The following KAZN variants were observed in gnomAD, a reference collection of about 807,000 sequenced individuals.
The protein encoded by KAZN is kazrin, periplakin interacting protein, also known as kazrin.
A neutral mutation model predicts 87.4 loss-of-function variants in KAZN; 40 were observed. The ratio of observed to expected loss-of-function variants is 0.46; its 90% confidence interval spans 0.36 to 0.60. The LOEUF is 0.60. KAZN is among the 20% of genes least tolerant of loss of function. KAZN has a pLI of 0.00. For synonymous variants in KAZN, 466 were observed against 458.3 expected, an observed-to-expected ratio of 1.02 and a Z score of -0.22; for missense variants, 898 against 1,073.9, an observed-to-expected ratio of 0.84 and a Z score of 2.29.
intron 2 of KAZN, among the ~76,000 whole-genome samples, chr1:14,265,326 G>A (rs1363046056): frequency 1.2e-4 from 18 of 152,154 alleles, no homozygotes; most frequent in Non-Finnish European, 2.6e-4. Flanking sequence ...AATCAAACAT[G>A]ATAGTTTGGT....
Position 14,985,508 on chromosome 1 carries a change from T to C in KAZN, c.418+24633T>C, listed in dbSNP as rs140277458. 8.1e-3 allele frequency among the ~76,000 whole-genome samples: 1,197 copies of C among 148,614 alleles called. 18 individuals carry two copies. The highest frequency in any genetic ancestry group is 0.028 in the African/African-American group (1,144 of 40,442). On this transcript the variant is annotated intron_variant, in intron 2 of 14. Transcript: ENST00000376030. ...TCATGCCACTGCACTCCAGCCTGGGTGACACAGTGAGACCCTGCCTCAAAA... is the reference window on the plus strand; with the variant it reads ...TCATGCCACTGCACTCCAGCCTGGGCGACACAGTGAGACCCTGCCTCAAAA...
At chr1:13,933,793 T>G (rs899182460) in intron 1 of KAZN, among the ~76,000 whole-genome samples, 5 of 152,194 alleles carry the variant, frequency 3.3e-5, no homozygotes, top group African/African-American at 4.8e-5. Flanking sequence ...CCCAATGAGG[T>G]GCCTGAGGTT....
chr1:14,794,069 GA>G (rs1304216478), intron 1 of KAZN, among the ~76,000 whole-genome samples: 2 of 152,168 alleles, frequency 1.3e-5, no homozygotes, highest in East Asian at 3.9e-4. Context: ...ATCTCACCTT[GA>G]GCCTCAGCTC....
At chr1:14,440,534 G>A (rs1348978525) in intron 2 of KAZN, among the ~76,000 whole-genome samples, 1 of 152,208 alleles carries the variant, frequency 6.6e-6, no homozygotes, top group Non-Finnish European at 1.5e-5. Flanking sequence ...AACCTCTAAT[G>A]CCTAATTCAG....
chr1:14,043,253 CT>C (rs1022869924), intron 1 of KAZN, among the ~76,000 whole-genome samples: 1 of 152,162 alleles, frequency 6.6e-6, no homozygotes, highest in Non-Finnish European at 1.5e-5. Flanking sequence ...AATTTCCTTC[CT>C]TTTTAAGGCT....
chr1:14,602,374 T>C (rs937777710), intron 1 of KAZN, among the ~76,000 whole-genome samples: 3 of 152,192 alleles, frequency 2.0e-5, no homozygotes, highest in Non-Finnish European at 2.9e-5. Flanking sequence ...AATGCTGGCG[T>C]ACAGTGCAGA....
chr1:14,419,533 C>T (rs1036967359), intron 2 of KAZN, among the ~76,000 whole-genome samples: 8 of 152,256 alleles, frequency 5.3e-5, no homozygotes, highest in Middle Eastern at 3.4e-3. Flanking sequence ...GGGAAGTGTC[C>T]GGAATTTGTG....
intron 1 of KAZN, among the ~76,000 whole-genome samples, chr1:14,744,669 G>A (rs921126031): frequency 2.6e-5 from 4 of 152,168 alleles, no homozygotes; most frequent in Admixed American, 2.0e-4. Context: ...CCAGGAGTTC[G>A]AGGCTGCAGT....
intron 1 of KAZN, among the ~76,000 whole-genome samples, chr1:14,821,661 G>T (rs1164273105): frequency 1.3e-5 from 2 of 152,158 alleles, no homozygotes; most frequent in African/African-American, 4.8e-5. Context: ...GGAGAAGACA[G>T]CCGTCTACAA....
At chr1:13,986,379 C>T (rs1335083154) in intron 1 of KAZN, among the ~76,000 whole-genome samples, 2 of 152,116 alleles carry the variant, frequency 1.3e-5, no homozygotes, top group Non-Finnish European at 2.9e-5. Context: ...TAACTTGCTG[C>T]AGTGAACAAG....
chr1:14,353,501 G>A (rs1003912530), intron 2 of KAZN, among the ~76,000 whole-genome samples: 15 of 151,964 alleles, frequency 9.9e-5, no homozygotes, highest in African/African-American at 3.6e-4. Context: ...TTACAGGCGT[G>A]AGCCACCGCG....
chr1:14,075,013 T>A (rs939196194), intron 1 of KAZN, among the ~76,000 whole-genome samples: 7 of 152,216 alleles, frequency 4.6e-5, no homozygotes, highest in African/African-American at 1.7e-4. Flanking sequence ...GATCTACGAC[T>A]TATTTCTTAT....
intron 1 of KAZN, among the ~76,000 whole-genome samples, chr1:14,661,060 G>A (rs1032386746): frequency 2.0e-5 from 3 of 152,128 alleles, no homozygotes; most frequent in South Asian, 2.1e-4. Flanking sequence ...ACTCTGTGCC[G>A]AGCCCTGTAT....
At chr1:14,430,557 G>A (rs1431469598) in intron 2 of KAZN, among the ~76,000 whole-genome samples, 5 of 152,134 alleles carry the variant, frequency 3.3e-5, no homozygotes, top group Non-Finnish European at 7.3e-5. Flanking sequence ...TGGCTCTTTT[G>A]GAATCTCTCA....
intron 2 of KAZN, among the ~76,000 whole-genome samples, chr1:14,571,211 ACAGT>A (rs1238070634): frequency 6.6e-6 from 1 of 151,882 alleles, no homozygotes; most frequent in East Asian, 1.9e-4. Context: ...AACTGTGAGC[ACAGT>A]CAATTTTTTC....
intron 1 of KAZN, among the ~76,000 whole-genome samples, chr1:14,845,649 T>C (rs916559082): frequency 9.2e-5 from 14 of 152,274 alleles, no homozygotes; most frequent in African/African-American, 3.1e-4. Flanking sequence ...AGCTGGATTG[T>C]AGTTTCCCAG....
At chr1:14,319,424 C>CTCACCCTACACATAGATGTGTAGAGAT (rs1208719432) in intron 2 of KAZN, among the ~76,000 whole-genome samples, 17 of 152,042 alleles carry the variant, frequency 1.1e-4, no homozygotes, top group Non-Finnish European at 1.8e-4. Context: ...GTTTGCCTGC[C>CTCACCCTACACATAGATGTGTAGAGAT]TCACCCTACA....
At chr1:14,271,091 G>C (rs1423806350) in intron 2 of KAZN, among the ~76,000 whole-genome samples, 1 of 152,208 alleles carries the variant, frequency 6.6e-6, no homozygotes, top group African/African-American at 2.4e-5. Flanking sequence ...TACTCCGAAG[G>C]CTCTCTCCTT....
At chr1:14,232,295 G>T (rs565139140) in intron 2 of KAZN, among the ~76,000 whole-genome samples, 2 of 152,156 alleles carry the variant, frequency 1.3e-5, no homozygotes, top group African/African-American at 4.8e-5. Context: ...TGGGGGCAGC[G>T]CAGGCAGTGG....
Sources: allele counts gnomAD v4.1 joint callset (sites outside exome capture counted in the v4.1 genomes callset), GRCh38; gene constraint gnomAD v4.1.1; transcripts MANE v1.5; gene names NCBI Gene and HGNC (gene_info 2026-07-23, HGNC 2026-07-21).